Variants in DPY19L1 observed in about 807,000 individuals in gnomAD.
DPY19L1 encodes the protein dpy-19 like C-mannosyltransferase 1, also known as protein C-mannosyl-transferase DPY19L1.
In DPY19L1, 35 loss-of-function variants were observed where a neutral mutation model predicts 96.9. That is an observed-to-expected ratio of 0.36 (90% CI 0.28 to 0.48). DPY19L1 has a LOEUF of 0.48. Among genes scored for constraint, DPY19L1 ranks in the 20% least tolerant of loss-of-function variants. The probability of loss-of-function intolerance (pLI) is 0.99; values close to 1 mark genes in which losing one functional copy is unlikely to be tolerated. For missense variants in DPY19L1, 521 were observed against 777.9 expected (o/e 0.67, Z 3.93); for synonymous variants, 205 against 252.6 (o/e 0.81, Z 1.79).
intron 11 of DPY19L1, among the ~76,000 whole-genome samples, chr7:34,957,265 G>A (rs1430516799): frequency 6.6e-6 from 1 of 151,930 alleles, no homozygotes; most frequent in Non-Finnish European, 1.5e-5. Flanking sequence ...GCCTGTAATC[G>A]CAGCTACTTG....
intron 10 of DPY19L1, among the ~76,000 whole-genome samples, chr7:34,960,258 T>C (rs1006796127): frequency 2.6e-5 from 4 of 152,080 alleles, no homozygotes; most frequent in South Asian, 2.1e-4. Context: ...GTGTTATTTA[T>C]AGTTATATCT....
intron 21 of DPY19L1, among the ~76,000 whole-genome samples, chr7:34,933,195 C>T (rs188689847): frequency 1.2e-3 from 188 of 152,060 alleles, no homozygotes; most frequent in African/African-American, 4.3e-3. Flanking sequence ...TTTGGTTACA[C>T]GGATAAGTTA....
In DPY19L1 at chr7:34,939,387, G is replaced by C; in HGVS notation, c.1865-12C>G. 2 of 1,612,990 alleles carry C rather than the reference G, an allele frequency of 1.2e-6. No individual in the cohort carries two copies. Among genetic ancestry groups the C allele is most frequent in the Non-Finnish European group, 1.7e-6 (2 of 1,179,090 alleles). ...CGCAAACACTGCATCTGGAAGGCAA[G>C]AGGAATGTCTCAGGAAGACACTCAG... On this transcript the variant is annotated splice_polypyrimidine_tract_variant and intron_variant, in intron 19 of 21. Coordinates refer to ENST00000638088, the MANE Select transcript of DPY19L1 (RefSeq NM_001366673.1).
chr7:34,936,845 G>C (rs1037704360), intron 21 of DPY19L1, among the ~76,000 whole-genome samples: 1 of 152,096 alleles, frequency 6.6e-6, no homozygotes, highest in Non-Finnish European at 1.5e-5. Context: ...TTTCACTCAC[G>C]ACTCAGTATT....
At chr7:35,012,917 ATGTG>A (rs1196751293) in intron 4 of DPY19L1, among the ~76,000 whole-genome samples, 1 of 150,910 alleles carries the variant, frequency 6.6e-6, no homozygotes, top group Admixed American at 6.6e-5. Context: ...GTATATATGT[ATGTG>A]TGTTATATAT....
intron 2 of DPY19L1, 96 bp from the exon 3 acceptor site, chr7:35,018,065 T>C (rs1199145449): frequency 7.3e-6 from 6 of 821,894 alleles, no homozygotes; most frequent in Non-Finnish European, 1.1e-5. Flanking sequence ...ATCAGTTAAC[T>C]TGCAGATAAT....
chr7:34,980,712 A>T (rs992882731), intron 7 of DPY19L1, among the ~76,000 whole-genome samples: 10 of 152,170 alleles, frequency 6.6e-5, no homozygotes, highest in African/African-American at 2.4e-4. Flanking sequence ...ACTCATCAGG[A>T]AAATGCAAAC....
intron 7 of DPY19L1, among the ~76,000 whole-genome samples, chr7:34,987,645 C>T (rs887948699): frequency 6.6e-6 from 1 of 151,990 alleles, no homozygotes; most frequent in Non-Finnish European, 1.5e-5. Flanking sequence ...AGTAAGGTAC[C>T]GGTTAGTAAC....
chr7:34,985,790 T>G (rs1026796520), intron 7 of DPY19L1, among the ~76,000 whole-genome samples: 4 of 151,898 alleles, frequency 2.6e-5, no homozygotes, highest in African/African-American at 9.7e-5. Flanking sequence ...AAAAATAGAA[T>G]AGCAATCCCA....
At chr7:34,978,269 A>G (rs1784869783) in intron 7 of DPY19L1, among the ~76,000 whole-genome samples, 1 of 152,154 alleles carries the variant, frequency 6.6e-6, no homozygotes. Flanking sequence ...TGCTGGATCA[A>G]TCCTAACTTG....
chr7:34,960,071 T>G (rs1305028750), intron 10 of DPY19L1, among the ~76,000 whole-genome samples: 2 of 150,948 alleles, frequency 1.3e-5, no homozygotes, highest in Non-Finnish European at 1.5e-5. Context: ...AATTTATCTT[T>G]CATTTCCTTT....
In DPY19L1 at chr7:34,975,579, T is replaced by C. The variant is rs565381720; in HGVS notation, c.823-1974A>G. The stretch of plus-strand genomic sequence containing the variant: ...GAAGATCTAGCTAACATAACTGAGG[T>C]AGGTTGCTGCACTAAACAACAGGGC... On this transcript the variant is annotated intron_variant, in intron 7 of 21. Transcript: ENST00000638088. 4.6e-5 allele frequency among the ~76,000 whole-genome samples: 7 copies of C among 152,296 alleles called. 1 individual carries two copies. Among genetic ancestry groups the C allele is most frequent in the Non-Finnish European group, 8.8e-5 (6 of 68,036 alleles).
In DPY19L1 at chr7:35,034,326, G is replaced by A. The variant is rs329268; in HGVS notation, c.298+2771C>T. Among the ~76,000 whole-genome samples the A allele has an allele frequency of 1.4e-3, 218 of 152,220 alleles. 1 individual carries two copies. Among genetic ancestry groups the A allele is most frequent in the African/African-American group, 5.1e-3 (212 of 41,528 alleles). Reference sequence around the variant, plus strand: ...CAGACATATAGACTTATGCATATATGTACTGAGTTGCATTGTGGAAGTGTG... The same window carrying A: ...CAGACATATAGACTTATGCATATATATACTGAGTTGCATTGTGGAAGTGTG... On this transcript the variant is annotated intron_variant, in intron 1 of 21. Transcript: ENST00000638088.
intron 1 of DPY19L1, among the ~76,000 whole-genome samples, chr7:35,020,292 A>G (rs1178966252): frequency 1.3e-5 from 2 of 152,122 alleles, no homozygotes; most frequent in Admixed American, 1.3e-4. Flanking sequence ...TTTGGTAATC[A>G]CTCTGAGGTT....
chr7:34,941,832 A>G lies in DPY19L1; in HGVS notation c.1622T>C (p.Ile541Thr). The change falls in exon 18 of 22, where the codon ATT becomes ACT. Residue 541 changes from isoleucine to threonine, a missense_variant. Physicochemically the swap from Ile to Thr is moderately conservative, Grantham distance 89 (BLOSUM62 -1). Coordinates refer to ENST00000638088, the MANE Select transcript of DPY19L1 (RefSeq NM_001366673.1). Reference protein sequence around the residue: ...LLAYTALGILIMRLKLFLTPH... With the variant: ...LLAYTALGILTMRLKLFLTPH... The stretch of plus-strand genomic sequence containing the variant: ...TGTCAAGAAGAGTTTTAGTCTCATA[A>G]TTAAAATACCAAGGGCTGTATATGC... The G allele has an allele frequency of 6.3e-7, 1 of 1,586,968 alleles. No individual in the cohort carries two copies. The highest frequency in any genetic ancestry group is 8.6e-7 in the Non-Finnish European group (1 of 1,167,486).
chr7:35,018,634 T>C (rs751505140), intron 1 of DPY19L1, 38 bp from the exon 2 acceptor site: 2 of 1,571,554 alleles, frequency 1.3e-6, no homozygotes, highest in East Asian at 2.2e-5. Flanking sequence ...AATTTTAGCA[T>C]AAACATGTTC....
intron 3 of DPY19L1, among the ~76,000 whole-genome samples, chr7:35,014,164 C>G (rs1456391144): frequency 6.6e-6 from 1 of 152,022 alleles, no homozygotes; most frequent in Admixed American, 6.6e-5. Flanking sequence ...GATTTACATG[C>G]AAAAATGCAA....
At chr7:34,964,669 T>A (rs1275908687) in intron 10 of DPY19L1, among the ~76,000 whole-genome samples, 1 of 152,184 alleles carries the variant, frequency 6.6e-6, no homozygotes, top group Non-Finnish European at 1.5e-5. Context: ...TTCATGAAAC[T>A]TAACATTTAT....
rs1783709857 is a variant in DPY19L1, at chr7:34,929,653, A to C, written c.*1920T>G. 1 of 152,174 alleles carries C rather than the reference A, an allele frequency of 6.6e-6. No homozygotes were observed. The highest frequency in any genetic ancestry group is 1.9e-4 in the East Asian group (1 of 5,200). The allele number at this position is 152,174 out of a possible 1,614,324, so 9.4% of individuals were successfully genotyped here. ...ACTCAGGTGAGCAACAATCACAGAT[A>C]AGCAGCGCGCACCTCCCTCTCCCTG... On this transcript the variant is annotated 3_prime_UTR_variant, in exon 22 of 22. Transcript: ENST00000638088.
Sources: allele counts gnomAD v4.1 joint callset (sites outside exome capture counted in the v4.1 genomes callset), GRCh38; gene constraint gnomAD v4.1.1; transcripts MANE v1.5; gene names NCBI Gene and HGNC (gene_info 2026-07-23, HGNC 2026-07-21).